Variants in MN1 observed in about 807,000 individuals in gnomAD.
MN1 encodes MN1 proto-oncogene, transcriptional regulator.
In MN1, 19 loss-of-function variants were observed where a neutral mutation model predicts 86.9. The ratio of observed to expected loss-of-function variants is 0.22; its 90% confidence interval spans 0.15 to 0.32. The LOEUF (loss-of-function observed/expected upper bound fraction) is 0.32, where lower values mean the gene tolerates loss of function less well. Among genes scored for constraint, MN1 ranks in the 10% least tolerant of loss-of-function variants. MN1 has a pLI of 1.00. For synonymous variants in MN1, 928 were observed against 849.6 expected (o/e 1.09, Z -1.60); for missense variants, 1,841 against 1,862.0 (o/e 0.99, Z 0.21).
At chr22:27,765,689 A>G (rs1932864469) in intron 1 of MN1, among the ~76,000 whole-genome samples, 2 of 152,128 alleles carry the variant, frequency 1.3e-5, no homozygotes, top group Admixed American at 6.5e-5. Flanking sequence ...GGGAGCACTG[A>G]CCCGGGTCTG....
chr22:27,775,084 T>TCAGG (rs1932960202), intron 1 of MN1, among the ~76,000 whole-genome samples: 1 of 152,190 alleles, frequency 6.6e-6, no homozygotes, highest in African/African-American at 2.4e-5. Context: ...GGGGGATACA[T>TCAGG]CAGGCTTTGC....
At chr22:27,789,194 G>A (rs559923421) in intron 1 of MN1, among the ~76,000 whole-genome samples, 1 of 152,238 alleles carries the variant, frequency 6.6e-6, no homozygotes, top group Non-Finnish European at 1.5e-5. Flanking sequence ...AGACATGCAG[G>A]ATAAAAACAA....
chr22:27,783,422 G>A (rs1252472143), intron 1 of MN1, among the ~76,000 whole-genome samples: 1 of 152,136 alleles, frequency 6.6e-6, no homozygotes, highest in African/African-American at 2.4e-5. Context: ...CTGAGACACC[G>A]TGCCCGGCCC....
At chr22:27,752,338 A>T (rs981629114) in intron 1 of MN1, among the ~76,000 whole-genome samples, 1 of 152,136 alleles carries the variant, frequency 6.6e-6, no homozygotes, top group Non-Finnish European at 1.5e-5. Context: ...GGAGAGACAG[A>T]GAATCTGAGC....
At position 27,762,905 on chromosome 22, in the gene MN1, C is replaced by T. The variant is rs931442946; in HGVS notation, c.3782-11809G>A. ...CTTGAGCCCAGGAGTTCAAGACCAT[C>T]CTAGGCAACATAACAGGACGCTGTC... On this transcript the variant is annotated intron_variant, in intron 1 of 1. Coordinates refer to ENST00000302326, the MANE Select transcript of MN1 (RefSeq NM_002430.3). Among the ~76,000 whole-genome samples, 9 of 151,938 alleles carry T rather than the reference C, an allele frequency of 5.9e-5. No homozygotes were observed. The South Asian group carries it at 1.9e-3, about 32-fold the overall frequency.
chr22:27,753,707 T>C (rs991634813), intron 1 of MN1, among the ~76,000 whole-genome samples: 19 of 152,152 alleles, frequency 1.2e-4, no homozygotes, highest in African/African-American at 4.3e-4. Context: ...ACCCAGGGCT[T>C]CCTGGGGAGA....
chr22:27,760,501 CCTGT>C (rs1283726805), intron 1 of MN1, among the ~76,000 whole-genome samples: 2 of 143,674 alleles, frequency 1.4e-5, no homozygotes, highest in African/African-American at 5.8e-5. Flanking sequence ...AGAGCAAGAC[CCTGT>C]CTCTAAAAAA....
intron 1 of MN1, among the ~76,000 whole-genome samples, chr22:27,777,291 G>A (rs1846274851): frequency 6.6e-6 from 1 of 152,144 alleles, no homozygotes; most frequent in South Asian, 2.1e-4. Flanking sequence ...CTAGCACTTT[G>A]GGAGGCTGAG....
Position 27,799,751 on chromosome 22 carries a change from C to G in MN1, c.793G>C (p.Val265Leu). The change falls in exon 1 of 2, where the codon GTT (valine) becomes CTT (leucine). Residue 265 changes from valine to leucine, a missense_variant. Coordinates refer to ENST00000302326, the MANE Select transcript of MN1 (RefSeq NM_002430.3). ...QLPHYAAGRQ[V>L]PGGAFPGASA... ...GCGCCCGGGAAAGCGCCCCCAGGAA[C>G]CTGGCGACCCGCTGCATAATGAGGC... The G allele has an allele frequency of 6.3e-7, 1 of 1,589,912 alleles. No individual in the cohort carries two copies. The highest frequency in any genetic ancestry group is 1.1e-5 in the South Asian group (1 of 87,750).
chr22:27,765,377 A>T (rs1218814348), intron 1 of MN1, among the ~76,000 whole-genome samples: 1 of 151,942 alleles, frequency 6.6e-6, no homozygotes, highest in Non-Finnish European at 1.5e-5. Context: ...CTTAAAAATC[A>T]ATAGAACATT....
intron 1 of MN1, among the ~76,000 whole-genome samples, chr22:27,759,998 G>T (rs967684495): frequency 6.6e-6 from 1 of 152,172 alleles, no homozygotes; most frequent in Non-Finnish European, 1.5e-5. Flanking sequence ...TGGGAGGATT[G>T]CTTAAGGCCA....
chr22:27,791,795 C>T (rs1933214333), intron 1 of MN1: 2 of 152,188 alleles, frequency 1.3e-5, no homozygotes, highest in Admixed American at 1.3e-4. Flanking sequence ...TGATCACTCC[C>T]TGGGCAAAGA....
intron 1 of MN1, among the ~76,000 whole-genome samples, chr22:27,795,074 A>C (rs1288432207): frequency 6.6e-6 from 1 of 151,718 alleles, no homozygotes; most frequent in Non-Finnish European, 1.5e-5. Context: ...GGGGGGGAAA[A>C]AAGGGAGAAG....
chr22:27,770,260 G>A (rs944077391), intron 1 of MN1, among the ~76,000 whole-genome samples: 1 of 152,240 alleles, frequency 6.6e-6, no homozygotes, highest in Non-Finnish European at 1.5e-5. Flanking sequence ...ACCACTGAAA[G>A]GATGATGGAG....
At chr22:27,792,176 C>G (rs949537979) in intron 1 of MN1, among the ~76,000 whole-genome samples, 5 of 151,826 alleles carry the variant, frequency 3.3e-5, no homozygotes, top group African/African-American at 1.2e-4. Context: ...ACTCTCACTC[C>G]TTTCCTAGAA....
intron 1 of MN1, among the ~76,000 whole-genome samples, chr22:27,781,973 A>G (rs1361918209): frequency 6.6e-6 from 1 of 152,042 alleles, no homozygotes; most frequent in Non-Finnish European, 1.5e-5. Flanking sequence ...GCTGGCTCCC[A>G]GACTGTTTAT....
At chr22:27,773,215 C>T (rs1416159577) in intron 1 of MN1, among the ~76,000 whole-genome samples, 1 of 151,998 alleles carries the variant, frequency 6.6e-6, no homozygotes, top group Admixed American at 6.6e-5. Flanking sequence ...CCAGCCTCCC[C>T]GAGGCCCAAG....
In MN1 at chr22:27,748,330, G is replaced by A. The variant is rs1406345517; in HGVS notation, c.*2585C>T. 2 of 177,176 alleles carry A rather than the reference G, an allele frequency of 1.1e-5. No individual in the cohort carries two copies. The highest frequency in any genetic ancestry group is 1.3e-4 in the Admixed American group (2 of 15,778). 11.0% of individuals were successfully genotyped at this position (177,176 alleles called of 1,614,324 possible). A position where few individuals can be genotyped will look rare whatever the true frequency, so the allele number is the denominator to read the frequency against. Reference sequence around the variant, plus strand: ...TTAACTGCTCAGGAAAACATATACAGGTATATACAATATGCAGGAATACAG... The same window carrying A: ...TTAACTGCTCAGGAAAACATATACAAGTATATACAATATGCAGGAATACAG... On this transcript the variant is annotated 3_prime_UTR_variant, in exon 2 of 2. Transcript: ENST00000302326.
At chr22:27,793,245 G>A (rs191286848) in intron 1 of MN1, among the ~76,000 whole-genome samples, 14 of 152,134 alleles carry the variant, frequency 9.2e-5, no homozygotes, top group African/African-American at 2.2e-4. Flanking sequence ...GGGAGAAAAC[G>A]TACTTTTTCC....
Sources: gnomAD v4.1 joint callset for allele counts (sites outside exome capture counted in the v4.1 genomes callset) on GRCh38, gnomAD v4.1.1 for gene constraint, MANE v1.5 for transcripts, NCBI Gene and HGNC (gene_info 2026-07-23, HGNC 2026-07-21) for gene names.